Variants in ZDHHC17 observed in about 807,000 individuals in gnomAD.
ZDHHC17 encodes zDHHC palmitoyltransferase 17.
A neutral mutation model predicts 90.3 loss-of-function variants in ZDHHC17; 40 were observed. The ratio of observed to expected loss-of-function variants is 0.44; its 90% confidence interval spans 0.34 to 0.58. ZDHHC17 has a LOEUF of 0.58. ZDHHC17 is among the 20% of genes least tolerant of loss of function. The pLI is 0.01. For missense variants in ZDHHC17, 614 were observed against 780.8 expected (o/e 0.79, Z 2.55); for synonymous variants, 235 against 252.4 (o/e 0.93, Z 0.65).
At chr12:76,810,656 T>C (rs1953008804) in intron 5 of ZDHHC17, among the ~76,000 whole-genome samples, 1 of 152,130 alleles carries the variant, frequency 6.6e-6, no homozygotes, top group Admixed American at 6.6e-5. Flanking sequence ...GTGTTGTGCA[T>C]TATAGTTTAG....
intron 1 of ZDHHC17, among the ~76,000 whole-genome samples, chr12:76,794,946 G>A (rs572106869): frequency 6.6e-6 from 1 of 152,306 alleles, no homozygotes; most frequent in African/African-American, 2.4e-5. Context: ...CATTTTCAAA[G>A]TTTTTTCAAG....
chr12:76,830,550 A>T (rs1953287466), intron 10 of ZDHHC17, among the ~76,000 whole-genome samples: 1 of 152,202 alleles, frequency 6.6e-6, no homozygotes, highest in Admixed American at 6.5e-5. Context: ...TCAAGGATTT[A>T]TTAAGCATTA....
chr12:76,845,893 T>G (rs897797317), intron 13 of ZDHHC17, 91 bp downstream of exon 13: 27 of 633,282 alleles, frequency 4.3e-5, no homozygotes, highest in Admixed American at 1.8e-4. Flanking sequence ...CAATAGAAAG[T>G]TTATTACTCC....
At chr12:76,812,812 G>T (rs1953041899) in intron 5 of ZDHHC17, among the ~76,000 whole-genome samples, 1 of 151,690 alleles carries the variant, frequency 6.6e-6, no homozygotes, top group African/African-American at 2.4e-5. Flanking sequence ...TAGTTATATT[G>T]TTAAATATAT....
chr12:76,829,308 T>C (rs112977371), intron 10 of ZDHHC17, among the ~76,000 whole-genome samples: 23,616 of 151,564 alleles, frequency 0.16, 2,104 homozygotes, highest in Non-Finnish European at 0.2. Context: ...AATACAAAAA[T>C]TAGCCAGGTG....
chr12:76,841,281 A>G (rs1199105149), intron 10 of ZDHHC17, among the ~76,000 whole-genome samples: 1 of 152,172 alleles, frequency 6.6e-6, no homozygotes, highest in Non-Finnish European at 1.5e-5. Flanking sequence ...AATGTCAAAA[A>G]GTCTTATGAA....
chr12:76,812,561 T>C (rs1015632156), intron 5 of ZDHHC17, among the ~76,000 whole-genome samples: 5 of 152,148 alleles, frequency 3.3e-5, no homozygotes, highest in Admixed American at 6.6e-5. Flanking sequence ...GTCAATAATA[T>C]TGTTTTTCTT....
At chr12:76,846,205 C>T (rs1011078932) in intron 13 of ZDHHC17, 5 of 233,468 alleles carry the variant, frequency 2.1e-5, no homozygotes, top group East Asian at 1.1e-4. Context: ...AGACATGCCC[C>T]GGAGATTTTA....
intron 3 of ZDHHC17, 88 bp from the exon 4 acceptor site, chr12:76,808,955 T>C: frequency 1.3e-6 from 1 of 765,016 alleles, no homozygotes; most frequent in Non-Finnish European, 1.9e-6. Context: ...AGATCTGAAA[T>C]AGAAAACATG....
intron 2 of ZDHHC17, among the ~76,000 whole-genome samples, chr12:76,802,467 A>G (rs1432003054): frequency 1.3e-5 from 2 of 152,082 alleles, no homozygotes; most frequent in African/African-American, 4.8e-5. Context: ...TGATGTTTAT[A>G]TTCAAATTTA....
chr12:76,785,473 A>C (rs1381621551), intron 1 of ZDHHC17, among the ~76,000 whole-genome samples: 2 of 152,228 alleles, frequency 1.3e-5, no homozygotes, highest in East Asian at 3.8e-4. Context: ...CATAAAGTTA[A>C]AAATTATAAG....
intron 1 of ZDHHC17, among the ~76,000 whole-genome samples, chr12:76,790,598 G>C (rs1952749536): frequency 6.6e-6 from 1 of 152,230 alleles, no homozygotes; most frequent in Non-Finnish European, 1.5e-5. Context: ...TACATGTATA[G>C]ATAGGGATTA....
At chr12:76,764,740 A>G (rs1326917360) in intron 1 of ZDHHC17, 1 of 466,468 alleles carries the variant, frequency 2.1e-6, no homozygotes, top group Non-Finnish European at 4.3e-6. Flanking sequence ...GCCAGGGTGA[A>G]TGACGGTATC....
intron 1 of ZDHHC17, among the ~76,000 whole-genome samples, chr12:76,767,453 A>G (rs933436479): frequency 1.3e-5 from 2 of 152,236 alleles, no homozygotes; most frequent in South Asian, 2.1e-4. Context: ...ACGCCTTTTT[A>G]GAGGTATTTT....
rs1386010313 is a variant in ZDHHC17, at chr12:76,764,335, G to GA, written c.93+8dup. On this transcript the variant is annotated splice_region_variant and intron_variant, in intron 1 of 16. Coordinates refer to ENST00000426126, the MANE Select transcript of ZDHHC17 (RefSeq NM_015336.4). ...TGCCCCTTCTCCACCCAGAGGTGAG[G>GA]AACCGTGCTGAGTGGATTCCTTGCC... The GA allele has an allele frequency of 1.3e-6, 2 of 1,589,252 alleles. No homozygotes were observed. Among genetic ancestry groups the GA allele is most frequent in the African/African-American group, 2.7e-5 (2 of 74,366 alleles).
At position 76,764,271 on chromosome 12, in the gene ZDHHC17, C is replaced by T; in HGVS notation, c.35C>T (p.Ala12Val). ...QREEGFNTKM[A>V]DGPDEYDTEA... ...GAGGAGGGATTTAACACCAAGATGG[C>T]GGACGGCCCGGATGAGTACGATACC... is the stretch of plus-strand genomic sequence containing the variant. Residue 12 changes from alanine (A) to valine (V), a missense_variant, in exon 1 of 17, where the codon GCG (alanine) becomes GTG (valine). Transcript: ENST00000426126. The T allele has an allele frequency of 3.1e-6, 5 of 1,606,106 alleles. No individual in the cohort carries two copies. Among genetic ancestry groups the T allele is most frequent in the Admixed American group, 1.7e-5 (1 of 59,162 alleles).
At position 76,809,808 on chromosome 12, in the gene ZDHHC17, C is replaced by T. The variant is rs1391151257; in HGVS notation, c.494C>T (p.Ala165Val). ...GGATGTAGCTGTATTCATCTGGCTG[C>T]TCAGTTCGGACATACCTCAATTGTT... Reference protein sequence around the residue: ...GEGCSCIHLAAQFGHTSIVAY... With the variant: ...GEGCSCIHLAVQFGHTSIVAY... Residue 165 changes from alanine (A) to valine (V), a missense_variant, in exon 5 of 17, where the codon GCT (alanine) becomes GTT (valine). Coordinates refer to ENST00000426126, the MANE Select transcript of ZDHHC17 (RefSeq NM_015336.4). 2.5e-6 allele frequency: 4 copies of T among 1,610,300 alleles called. No homozygotes were observed. The African/African-American group carries it at 5.4e-5, about 22-fold the overall frequency.
At chr12:76,819,225 T>C (rs984683389) in intron 7 of ZDHHC17, among the ~76,000 whole-genome samples, 14 of 152,190 alleles carry the variant, frequency 9.2e-5, no homozygotes, top group Admixed American at 2.0e-4. Flanking sequence ...TTTGGTAATA[T>C]TTAATTTGAA....
At chr12:76,794,011 G>A (rs1458833627) in intron 1 of ZDHHC17, among the ~76,000 whole-genome samples, 2 of 151,772 alleles carry the variant, frequency 1.3e-5, no homozygotes, top group East Asian at 1.9e-4. Context: ...TCAGCCTCCC[G>A]AGTAGCTGGG....
Sources: allele counts gnomAD v4.1 joint callset (sites outside exome capture counted in the v4.1 genomes callset), GRCh38; gene constraint gnomAD v4.1.1; transcripts MANE v1.5; gene names NCBI Gene and HGNC (gene_info 2026-07-23, HGNC 2026-07-21).